The following RAB7A variants were observed in gnomAD, a reference collection of about 807,000 sequenced individuals.
RAB7A encodes the protein RAB7A, member RAS oncogene family, also known as ras-related protein Rab-7a.
In RAB7A, 2 loss-of-function variants were observed where a neutral mutation model predicts 24.5. That is an observed-to-expected ratio of 0.08 (90% CI 0.03 to 0.26). RAB7A has a LOEUF of 0.26. RAB7A is among the 10% of genes least tolerant of loss of function. The pLI is 1.00. For missense variants in RAB7A, 118 were observed against 255.7 expected (o/e 0.46, Z 3.67); for synonymous variants, 100 against 95.9 (o/e 1.04, Z -0.25).
At chr3:128,771,619 T>G (rs1442907631) in intron 1 of RAB7A, among the ~76,000 whole-genome samples, 2 of 152,234 alleles carry the variant, frequency 1.3e-5, no homozygotes, top group South Asian at 4.1e-4. Flanking sequence ...TTTACAGATT[T>G]AGGGATTTAG....
At chr3:128,813,045 T>C (rs1933958494) in intron 5 of RAB7A, among the ~76,000 whole-genome samples, 4 of 152,256 alleles carry the variant, frequency 2.6e-5, no homozygotes, top group Admixed American at 2.6e-4. Flanking sequence ...CATGAACTTC[T>C]GTCCTGATTG....
chr3:128,772,450 C>A (rs1932972266), intron 1 of RAB7A, among the ~76,000 whole-genome samples: 2 of 151,846 alleles, frequency 1.3e-5, no homozygotes, highest in Admixed American at 1.3e-4. Context: ...AAAATTCTTG[C>A]TTAAAAATGT....
chr3:128,736,806 AGTGTGATCCTACATGT>A (rs2070493779), intron 1 of RAB7A, among the ~76,000 whole-genome samples: 1 of 152,186 alleles, frequency 6.6e-6, no homozygotes, highest in African/African-American at 2.4e-5. Flanking sequence ...CAAGGAATCA[AGTGTGATCCTACATGT>A]GTGGACTTGG....
chr3:128,780,702 C>T (rs1231883355), intron 1 of RAB7A, among the ~76,000 whole-genome samples: 1 of 152,082 alleles, frequency 6.6e-6, no homozygotes, highest in African/African-American at 2.4e-5. Flanking sequence ...TTAAGTGGGG[C>T]CAGAAAGAGG....
chr3:128,747,384 C>G (rs1280049806), intron 1 of RAB7A, among the ~76,000 whole-genome samples: 1 of 151,552 alleles, frequency 6.6e-6, no homozygotes, highest in Non-Finnish European at 1.5e-5. Flanking sequence ...GTCAGGAGTT[C>G]AAGACCAGCC....
intron 1 of RAB7A, among the ~76,000 whole-genome samples, chr3:128,743,312 A>C (rs1324623631): frequency 1.3e-5 from 2 of 152,140 alleles, no homozygotes; most frequent in Non-Finnish European, 2.9e-5. Flanking sequence ...CTCCCTCCAC[A>C]ACTCCCTGCA....
At chr3:128,759,957 G>C (rs997615977) in intron 1 of RAB7A, among the ~76,000 whole-genome samples, 7 of 152,164 alleles carry the variant, frequency 4.6e-5, no homozygotes, top group Admixed American at 2.0e-4. Flanking sequence ...TGATCTGCCT[G>C]CCTCGGCCTC....
At chr3:128,734,454 CAAA>C (rs10524458) in intron 1 of RAB7A, among the ~76,000 whole-genome samples, 1,244 of 86,734 alleles carry the variant, frequency 0.014, 6 homozygotes, top group African/African-American at 0.035. Flanking sequence ...GACCCTACCT[CAAA>C]AAAAAAAAAA....
At chr3:128,777,320 A>C (rs1428879530) in intron 1 of RAB7A, among the ~76,000 whole-genome samples, 2 of 152,028 alleles carry the variant, frequency 1.3e-5, no homozygotes, top group Non-Finnish European at 2.9e-5. Flanking sequence ...CAGCCTCCCA[A>C]GTAGCTGGGA....
chr3:128,807,856 G>C (rs963622442), intron 5 of RAB7A, among the ~76,000 whole-genome samples, 185 bp downstream of exon 5: 2 of 152,178 alleles, frequency 1.3e-5, no homozygotes, highest in African/African-American at 2.4e-5. Flanking sequence ...TCCCACTTTG[G>C]GGGGAATAAT....
At chr3:128,788,529 G>T (rs868209209) in intron 1 of RAB7A, among the ~76,000 whole-genome samples, 2 of 152,190 alleles carry the variant, frequency 1.3e-5, no homozygotes, top group African/African-American at 4.8e-5. Context: ...GACAAGTTTG[G>T]TACTTGCTGT....
intron 5 of RAB7A, among the ~76,000 whole-genome samples, chr3:128,812,774 G>GA (rs1933953282): frequency 6.6e-6 from 1 of 152,156 alleles, no homozygotes; most frequent in Non-Finnish European, 1.5e-5. Context: ...ACCTTTGGAA[G>GA]AAAAAAGAGA....
chr3:128,744,651 A>C (rs1183134846), intron 1 of RAB7A, among the ~76,000 whole-genome samples: 5 of 152,122 alleles, frequency 3.3e-5, no homozygotes, highest in African/African-American at 1.2e-4. Context: ...GGTTCACAAG[A>C]ATTCCTTATC....
intron 1 of RAB7A, among the ~76,000 whole-genome samples, chr3:128,772,735 G>A (rs1034904317): frequency 6.6e-6 from 1 of 152,250 alleles, no homozygotes; most frequent in African/African-American, 2.4e-5. Context: ...TGCAGAAGGC[G>A]CGGGCCGCCA....
intron 1 of RAB7A, among the ~76,000 whole-genome samples, chr3:128,760,201 GTCT>G (rs1389635173): frequency 1.3e-5 from 2 of 152,174 alleles, no homozygotes; most frequent in African/African-American, 4.8e-5. Flanking sequence ...GAGCAGGAAA[GTCT>G]TCTTTCTCCG....
At chr3:128,791,361 G>A (rs1048069676) in intron 1 of RAB7A, among the ~76,000 whole-genome samples, 2 of 152,048 alleles carry the variant, frequency 1.3e-5, no homozygotes, top group African/African-American at 2.4e-5. Flanking sequence ...GGCTGGTCTC[G>A]AACTCCTGGC....
At chr3:128,782,788 T>G (rs1172028600) in intron 1 of RAB7A, among the ~76,000 whole-genome samples, 1 of 152,080 alleles carries the variant, frequency 6.6e-6, no homozygotes, top group Non-Finnish European at 1.5e-5. Context: ...TCACCAAGCA[T>G]GAGGAAGTAC....
chr3:128,793,786 A>G (rs962159978), intron 1 of RAB7A, among the ~76,000 whole-genome samples: 1 of 152,222 alleles, frequency 6.6e-6, no homozygotes, highest in Non-Finnish European at 1.5e-5. Context: ...CACTAGTAAG[A>G]ACTTTCTAGA....
intron 5 of RAB7A, 55 bp from the exon 6 acceptor site, chr3:128,813,272 G>T (rs764165295): frequency 5.1e-5 from 78 of 1,524,176 alleles, no homozygotes; most frequent in Non-Finnish European, 6.2e-5. Flanking sequence ...CCGCAATGAG[G>T]GCTGAAATGT....
Sources: allele counts gnomAD v4.1 joint callset (sites outside exome capture counted in the v4.1 genomes callset), GRCh38; gene constraint gnomAD v4.1.1; transcripts MANE v1.5; gene names NCBI Gene and HGNC (gene_info 2026-07-23, HGNC 2026-07-21).